TMCO4: variants seen among roughly 807,000 people sequenced by gnomAD.
TMCO4 encodes transmembrane and coiled-coil domains 4.
In TMCO4, 58 loss-of-function variants were observed where a neutral mutation model predicts 64.7. The observed-to-expected ratio is 0.90, with a 90% confidence interval of 0.73 to 1.12. TMCO4 has a LOEUF of 1.12. Ranked by LOEUF, TMCO4 falls within the 50% of genes most tolerant of loss-of-function variation. The pLI is 0.00. For synonymous variants in TMCO4, 325 were observed against 346.1 expected (o/e 0.94, Z 0.68); for missense variants, 780 against 825.9 (o/e 0.94, Z 0.68).
In TMCO4 at chr1:19,788,841, C is replaced by T. The variant is rs558460100; in HGVS notation, c.-100-1724G>A. The stretch of plus-strand genomic sequence containing the variant: ...CTGTAATTCCAGCATTTTGGGAGGC[C>T]GAGGCAGGTGGATCAGGAGGTCAGG... On this transcript the variant is annotated intron_variant, in intron 2 of 15. Transcript: ENST00000294543. Among the ~76,000 whole-genome samples, 65 of 151,642 alleles carry T rather than the reference C, an allele frequency of 4.3e-4. No homozygotes were observed. In the South Asian group the frequency reaches 0.011, roughly 26 times the overall value.
intron 3 of TMCO4, among the ~76,000 whole-genome samples, chr1:19,784,702 C>G (rs894251400): frequency 6.6e-6 from 1 of 152,040 alleles, no homozygotes; most frequent in Non-Finnish European, 1.5e-5. Flanking sequence ...CAAAAGCCTC[C>G]CATCACATCA....
At chr1:19,686,714 G>A (rs2095152152) in intron 15 of TMCO4, among the ~76,000 whole-genome samples, 2 of 152,182 alleles carry the variant, frequency 1.3e-5, no homozygotes, top group African/African-American at 4.8e-5. Flanking sequence ...GGCCTGAGAA[G>A]GAACCTAAGT....
rs182801187 is a variant in TMCO4 at position 19,682,248 on chromosome 1, A to C, written c.*792T>G. On this transcript the variant is annotated 3_prime_UTR_variant, in exon 16 of 16. Transcript: ENST00000294543. The stretch of plus-strand genomic sequence containing the variant: ...GCTCAAGAAGTGGTAGCTTCTTCTT[A>C]TTATTATTTATTGCTGTTGTTATCC... 3.0e-3 allele frequency: 566 copies of C among 191,806 alleles called. 1 individual carries two copies. The highest frequency in any genetic ancestry group is 0.011 in the African/African-American group (502 of 43,762). 11.9% of individuals were successfully genotyped at this position (191,806 alleles called of 1,614,324 possible).
chr1:19,711,112 C>A (rs1018052031), intron 13 of TMCO4, among the ~76,000 whole-genome samples: 1 of 152,200 alleles, frequency 6.6e-6, no homozygotes, highest in Non-Finnish European at 1.5e-5. Context: ...AAGCTGCAGG[C>A]GGTGAGCCAG....
At chr1:19,749,145 C>A (rs894735098) in intron 7 of TMCO4, among the ~76,000 whole-genome samples, 1 of 152,242 alleles carries the variant, frequency 6.6e-6, no homozygotes, top group Non-Finnish European at 1.5e-5. Context: ...GGAGGGCCAT[C>A]AAGATCGAGG....
intron 14 of TMCO4, among the ~76,000 whole-genome samples, chr1:19,699,488 T>TAC (rs1282251433): frequency 3.0e-5 from 2 of 65,608 alleles, no homozygotes; most frequent in East Asian, 7.4e-4. Context: ...TTCATATACA[T>TAC]ATATATATAT....
chr1:19,694,565 G>A lies in TMCO4; in HGVS notation c.1383-14C>T. The A allele has an allele frequency of 1.9e-6, 3 of 1,612,474 alleles. No homozygotes were observed. The highest frequency in any genetic ancestry group is 2.5e-6 in the Non-Finnish European group (3 of 1,178,688). ...AGCCAGTCTCCCCTGTGGGAGGGTA[G>A]AGAAGCATGTGAACATTAGCACCAG... is the stretch of plus-strand genomic sequence containing the variant. On this transcript the variant is annotated splice_polypyrimidine_tract_variant and intron_variant, in intron 14 of 15. Transcript: ENST00000294543.
intron 13 of TMCO4, among the ~76,000 whole-genome samples, chr1:19,723,054 T>A (rs893285609): frequency 1.3e-5 from 2 of 152,200 alleles, no homozygotes; most frequent in East Asian, 3.9e-4. Context: ...CTCCCTCCTC[T>A]GAGCAAGGCA....
intron 7 of TMCO4, 106 bp downstream of exon 7, chr1:19,755,528 C>A: frequency 6.7e-7 from 1 of 1,495,874 alleles, no homozygotes; most frequent in Non-Finnish European, 9.0e-7. Flanking sequence ...GGGCTCCTTC[C>A]ACCTCACTAC....
At chr1:19,691,399 G>A (rs771646226) in intron 15 of TMCO4, among the ~76,000 whole-genome samples, 21 of 152,196 alleles carry the variant, frequency 1.4e-4, no homozygotes, top group Non-Finnish European at 2.6e-4. Context: ...AGAGGCCCAG[G>A]TGACCTCTGG....
intron 14 of TMCO4, among the ~76,000 whole-genome samples, chr1:19,698,328 G>A (rs1014470743): frequency 7.9e-5 from 12 of 152,200 alleles, no homozygotes; most frequent in African/African-American, 2.7e-4. Flanking sequence ...GCCCTCTCAC[G>A]GTGGGGTGAG....
rs2041623883 is a variant in TMCO4, at chr1:19,743,467, T to C, written c.877+2065A>G. On this transcript the variant is annotated intron_variant, in intron 10 of 15. Transcript: ENST00000294543. The surrounding 1 kb of genome is among the most constrained non-coding windows in gnomAD (Gnocchi z 4.1). ...TGGCTCTCGAGGAGGTAGGAATATG[T>C]GATATTTTTTCCTTCTGAAACTTTC... Among the ~76,000 whole-genome samples, 1 of 152,168 alleles carries C rather than the reference T, an allele frequency of 6.6e-6. No individual in the cohort carries two copies. The highest frequency in any genetic ancestry group is 6.5e-5 in the Admixed American group (1 of 15,280).
chr1:19,725,616 T>G (rs972459705), intron 13 of TMCO4, among the ~76,000 whole-genome samples: 1 of 152,154 alleles, frequency 6.6e-6, no homozygotes, highest in East Asian at 1.9e-4. Context: ...AGAAATACCC[T>G]TGGGGACAGG....
chr1:19,714,068 T>C (rs1360318541), intron 13 of TMCO4, among the ~76,000 whole-genome samples: 1 of 152,018 alleles, frequency 6.6e-6, no homozygotes, highest in Admixed American at 6.6e-5. Flanking sequence ...TCCCAAGTAG[T>C]TGGGATTACA....
chr1:19,736,954 T>C (rs2095457529), intron 13 of TMCO4, among the ~76,000 whole-genome samples: 1 of 152,180 alleles, frequency 6.6e-6, no homozygotes, highest in East Asian at 1.9e-4. Context: ...AGGCAGAGAC[T>C]GGAATGACAT....
chr1:19,788,456 T>C (rs1411340828), intron 2 of TMCO4, among the ~76,000 whole-genome samples: 1 of 152,190 alleles, frequency 6.6e-6, no homozygotes, highest in Admixed American at 6.6e-5. Flanking sequence ...AGTGGCTAAC[T>C]CCAGGTAGGC....
chr1:19,783,168 G>A (rs2043571801), intron 3 of TMCO4, among the ~76,000 whole-genome samples: 1 of 152,164 alleles, frequency 6.6e-6, no homozygotes, highest in Admixed American at 6.5e-5. Flanking sequence ...TAGGGCACTG[G>A]GGTTGCAATT....
intron 15 of TMCO4, among the ~76,000 whole-genome samples, chr1:19,685,068 T>A (rs1325933654): frequency 6.6e-6 from 1 of 152,206 alleles, no homozygotes; most frequent in Non-Finnish European, 1.5e-5. Flanking sequence ...CTCACCTCTA[T>A]AATCCCAGCA....
At chr1:19,748,859 A>G (rs2041909388) in intron 7 of TMCO4, among the ~76,000 whole-genome samples, 1 of 132,676 alleles carries the variant, frequency 7.5e-6, no homozygotes, top group African/African-American at 2.6e-5. Context: ...AATGAATGAA[A>G]TAAAATACAT....
Sources: gnomAD v4.1 joint callset for allele counts (sites outside exome capture counted in the v4.1 genomes callset) on GRCh38, gnomAD v4.1.1 for gene constraint, Gnocchi (gnomAD v3.1) non-coding constraint, MANE v1.5 for transcripts, NCBI Gene and HGNC (gene_info 2026-07-23, HGNC 2026-07-21) for gene names.